Variants in ERICH3 observed in about 807,000 individuals in gnomAD.
ERICH3 encodes the protein glutamate rich 3, also known as glutamate-rich protein 3.
A neutral mutation model predicts 131.1 loss-of-function variants in ERICH3; 126 were observed. The observed-to-expected ratio is 0.96, with a 90% CI of 0.83 to 1.11. ERICH3 has a LOEUF of 1.11. ERICH3 is among the 50% of genes most tolerant of loss of function. ERICH3 has a pLI of 0.00. For missense variants in ERICH3, 2,050 were observed against 1,810.7 expected, an observed-to-expected ratio of 1.13 and a Z score of -2.40; for synonymous variants, 695 against 644.6, an observed-to-expected ratio of 1.08 and a Z score of -1.18.
At chr1:74,615,586 G>A (rs1648920168) in intron 8 of ERICH3, among the ~76,000 whole-genome samples, 1 of 152,142 alleles carries the variant, frequency 6.6e-6, no homozygotes, top group Admixed American at 6.5e-5. Flanking sequence ...TCATTAAACA[G>A]GAGGGGCAAA....
chr1:74,642,474 C>G (rs895015079), intron 4 of ERICH3, among the ~76,000 whole-genome samples: 2 of 152,060 alleles, frequency 1.3e-5, no homozygotes, highest in Admixed American at 1.3e-4. Context: ...TCTCTTGATT[C>G]AAGTTTATAT....
chr1:74,643,671 T>C (rs1161859693), intron 3 of ERICH3, among the ~76,000 whole-genome samples: 2 of 152,166 alleles, frequency 1.3e-5, no homozygotes, highest in Non-Finnish European at 2.9e-5. Flanking sequence ...GTGCTTCACA[T>C]ACATTATTTC....
intron 1 of ERICH3, 121 bp downstream of exon 1, chr1:74,673,376 T>G: frequency 8.5e-7 from 1 of 1,175,904 alleles, no homozygotes; most frequent in East Asian, 2.9e-5. Context: ...TATTTTCCTC[T>G]CCCCAGCCCT....
At chr1:74,649,138 C>T (rs1646510223) in intron 2 of ERICH3, 84 bp downstream of exon 2, 5 of 876,506 alleles carry the variant, frequency 5.7e-6, no homozygotes, top group Non-Finnish European at 8.7e-6. Flanking sequence ...TGGAAGATGT[C>T]ACTCAAAGAG....
chr1:74,579,833 A>T (rs986739824), intron 12 of ERICH3: 7 of 985,068 alleles, frequency 7.1e-6, no homozygotes, highest in Non-Finnish European at 8.4e-6. Flanking sequence ...TGACCACTGG[A>T]GGCAAAGGTG....
chr1:74,572,710 C>G lies in ERICH3; in HGVS notation c.3000G>C (p.Glu1000Asp). The G allele has an allele frequency of 1.9e-6, 3 of 1,613,896 alleles. No homozygotes were observed. The highest frequency in any genetic ancestry group is 2.5e-6 in the Non-Finnish European group (3 of 1,179,988). Residue 1000 changes from glutamate (E) to aspartate (D), a missense_variant, in exon 14 of 15, where the codon GAG (glutamate) becomes GAC (aspartate). Transcript: ENST00000326665. ...TETRLSPFTGEAEASRMQVSE... is the reference protein window; with the variant it reads ...TETRLSPFTGDAEASRMQVSE... Reference sequence around the variant, plus strand: ...AAACCTGCATCCGGCTTGCCTCTGCCTCTCCTGTGAAGGGGCTCAAGCGTG... The same window carrying G: ...AAACCTGCATCCGGCTTGCCTCTGCGTCTCCTGTGAAGGGGCTCAAGCGTG...
intron 6 of ERICH3, among the ~76,000 whole-genome samples, chr1:74,632,556 A>G (rs1646350227): frequency 6.6e-6 from 1 of 152,028 alleles, no homozygotes; most frequent in Admixed American, 6.6e-5. Flanking sequence ...GGATACATAT[A>G]CACACATGCA....
At chr1:74,631,690 AG>A (rs777728709) in intron 7 of ERICH3, 22 bp downstream of exon 7, 16 of 1,574,068 alleles carry the variant, frequency 1.0e-5, no homozygotes, top group Middle Eastern at 1.7e-4. Context: ...AATTAATAAA[AG>A]AAAAATTTGT....
intron 5 of ERICH3, among the ~76,000 whole-genome samples, chr1:74,640,932 A>G (rs525693): frequency 0.71 from 107,416 of 151,928 alleles, 38,845 homozygotes; most frequent in African/African-American, 0.85. Flanking sequence ...CCATTTTGCT[A>G]CATTGAAGGG....
rs555527402 is a variant in ERICH3, at chr1:74,572,926, C to T, written c.2784G>A (p.Ser928=). The change falls in exon 14 of 15, where the codon TCG becomes TCA. Residue 928 remains serine, a synonymous_variant. Coordinates refer to ENST00000326665, the MANE Select transcript of ERICH3 (RefSeq NM_001002912.5). ...EVAALREAAT[S]EEGEAEGGVA... ...CCCCACCCTCAGCCTCTCCCTCCTC[C>T]GATGTCGCTGCCTCTCTCAGGGCTG... 66 of 1,614,022 alleles carry T rather than the reference C, an allele frequency of 4.1e-5. No individual in the cohort carries two copies. The Middle Eastern group carries it at 4.9e-4, about 12-fold the overall frequency.
At position 74,570,052 on chromosome 1, in the gene ERICH3, T is replaced by C. The variant is rs1646917716; in HGVS notation, c.*406A>G. 6.6e-6 allele frequency: 1 copy of C among 152,194 alleles called. No individual in the cohort carries two copies. Among genetic ancestry groups the C allele is most frequent in the Admixed American group, 6.5e-5 (1 of 15,276 alleles). The allele number at this position is 152,194 out of a possible 1,614,324, so 9.4% of individuals were successfully genotyped here. A position where few individuals can be genotyped will look rare whatever the true frequency, so the allele number is the denominator to read the frequency against. ...CATGTATGAAATTGAGATTGTGGAATTGACTGGGGCTCTGTATTGTAAAAT... is the reference window on the plus strand; with the variant it reads ...CATGTATGAAATTGAGATTGTGGAACTGACTGGGGCTCTGTATTGTAAAAT... On this transcript the variant is annotated 3_prime_UTR_variant, in exon 15 of 15. Coordinates refer to ENST00000326665, the MANE Select transcript of ERICH3 (RefSeq NM_001002912.5).
Position 74,610,943 on chromosome 1 carries a change from A to G in ERICH3, c.1187+1680T>C, listed in dbSNP as rs147914269. ...TTATTTCCAAGATACTACTCTCTCTAGGTTCTCTTTCTATTCACTGCCTTT... is the reference window on the plus strand; with the variant it reads ...TTATTTCCAAGATACTACTCTCTCTGGGTTCTCTTTCTATTCACTGCCTTT... On this transcript the variant is annotated intron_variant, in intron 9 of 14. Coordinates refer to ENST00000326665, the MANE Select transcript of ERICH3 (RefSeq NM_001002912.5). Among the ~76,000 whole-genome samples, 5 of 152,180 alleles carry G rather than the reference A, an allele frequency of 3.3e-5. No individual in the cohort carries two copies. In the East Asian group the frequency reaches 5.8e-4, roughly 18 times the overall value.
At chr1:74,585,397 CAATTA>C (rs1159530672) in intron 12 of ERICH3, among the ~76,000 whole-genome samples, 13 of 152,050 alleles carry the variant, frequency 8.5e-5, no homozygotes, top group African/African-American at 2.7e-4. Flanking sequence ...GGACAAAGTC[CAATTA>C]AATATGACAT....
chr1:74,570,824 G>A (rs890237316), intron 14 of ERICH3, among the ~76,000 whole-genome samples: 2 of 152,098 alleles, frequency 1.3e-5, no homozygotes, highest in Non-Finnish European at 2.9e-5. Flanking sequence ...TCCTATCTGG[G>A]AGACACAGAT....
At chr1:74,577,246 A>G (rs1219129252) in intron 12 of ERICH3, 1 of 49,382 alleles carries the variant, frequency 2.0e-5, no homozygotes, top group Non-Finnish European at 3.1e-5. Flanking sequence ...TAGTTGAAAG[A>G]AAAAAAAAAA....
chr1:74,646,712 C>A lies in ERICH3; in HGVS notation c.198G>T (p.Arg66=). The change falls in exon 3 of 15, where the codon CGG becomes CGT. Residue 66 remains arginine (R), a synonymous_variant. Transcript: ENST00000326665. ...GAAAAATTGCCTGGGCTAAGCATTCCCGGATATATTTTTGATGATCCCGCT... is the reference window on the plus strand; with the variant it reads ...GAAAAATTGCCTGGGCTAAGCATTCACGGATATATTTTTGATGATCCCGCT... ...MMKRDHQKYI[R]ECLAQAIFHK... 1 of 1,485,842 alleles carries A rather than the reference C, an allele frequency of 6.7e-7. No individual in the cohort carries two copies. The highest frequency in any genetic ancestry group is 9.1e-7 in the Non-Finnish European group (1 of 1,097,190). The allele number at this position is 1,485,842 out of a possible 1,614,324, so 92.0% of individuals were successfully genotyped here.
intron 12 of ERICH3, among the ~76,000 whole-genome samples, chr1:74,580,454 T>A (rs1557666637): frequency 6.6e-6 from 1 of 152,208 alleles, no homozygotes; most frequent in Non-Finnish European, 1.5e-5. Context: ...TCCTGGAATA[T>A]GAATTGCTAT....
intron 11 of ERICH3, among the ~76,000 whole-genome samples, chr1:74,594,883 TG>T (rs1181569156): frequency 6.6e-6 from 1 of 152,128 alleles, no homozygotes; most frequent in Non-Finnish European, 1.5e-5. Context: ...TTAACTACTT[TG>T]TTTTTGGTTT....
intron 1 of ERICH3, among the ~76,000 whole-genome samples, chr1:74,672,669 T>C (rs989076260): frequency 3.9e-5 from 6 of 152,226 alleles, no homozygotes; most frequent in African/African-American, 1.4e-4. Flanking sequence ...CAAGATTGAC[T>C]AGGATATTTA....
Sources: allele counts gnomAD v4.1 joint callset (sites outside exome capture counted in the v4.1 genomes callset), GRCh38; gene constraint gnomAD v4.1.1; transcripts MANE v1.5; gene names NCBI Gene and HGNC (gene_info 2026-07-23, HGNC 2026-07-21).